Variants in AP2M1 observed in about 807,000 individuals in gnomAD.
AP2M1 encodes the protein adaptor related protein complex 2 subunit mu 1, also known as AP-2 complex subunit mu.
A neutral mutation model predicts 54.5 loss-of-function variants in AP2M1; 5 were observed. The ratio of observed to expected loss-of-function variants is 0.09; its 90% CI spans 0.05 to 0.19. The LOEUF (loss-of-function observed/expected upper bound fraction) is 0.19, where lower values mean the gene tolerates loss of function less well. Among genes scored for constraint, AP2M1 ranks in the 10% least tolerant of loss-of-function variants. The pLI, the probability that AP2M1 is intolerant of heterozygous loss-of-function variation, is 1.00. For missense variants in AP2M1, 178 were observed against 580.2 expected (o/e 0.31, Z 7.12); for synonymous variants, 186 against 208.2 (o/e 0.89, Z 0.92).
Position 184,179,030 on chromosome 3 carries a change from A to G in AP2M1, c.248A>G (p.Tyr83Cys). The G allele has an allele frequency of 6.2e-7, 1 of 1,614,170 alleles. No individual in the cohort carries two copies. Among genetic ancestry groups the G allele is most frequent in the Non-Finnish European group, 8.5e-7 (1 of 1,180,040 alleles). Residue 83 changes from tyrosine to cysteine, a missense_variant, in exon 3 of 12, where the codon TAT becomes TGT. By Grantham distance (194) the Tyr-to-Cys change is radical. Coordinates refer to ENST00000292807, the MANE Select transcript of AP2M1 (RefSeq NM_004068.4). ...GCTGCCATGGTCTTCGAATTCCTCT[A>G]TAAGATGTGTGACGTGATGGCTGCC... ...VNAAMVFEFL[Y>C]KMCDVMAAYF...
At chr3:184,175,679 G>A (rs548848462) in intron 1 of AP2M1, among the ~76,000 whole-genome samples, 1 of 152,138 alleles carries the variant, frequency 6.6e-6, no homozygotes, top group Non-Finnish European at 1.5e-5. Context: ...ACGCTGCCTG[G>A]CTTTCACTGA....
chr3:184,180,622 C>T lies in AP2M1; in HGVS notation c.424-23C>T, dbSNP rs2109030802. 6.2e-7 allele frequency: 1 copy of T among 1,613,836 alleles called. No homozygotes were observed. Among genetic ancestry groups the T allele is most frequent in the South Asian group, 1.1e-5 (1 of 91,072 alleles). On this transcript the variant is annotated intron_variant, in intron 4 of 11. Transcript: ENST00000292807. This position sits in a 1 kb window ranked among gnomAD's most constrained non-coding sequence, Gnocchi z 4.9. ...CTCCCTTGCTGCTTCATGTGGGCAC[C>T]TCGTTGGCCCTGCGGCCTCCAGCAT...
chr3:184,180,316 T>G lies in AP2M1; in HGVS notation c.423+65T>G, dbSNP rs1715229091. ...ATCTCCCTTCATCTCAGCTGGCCCC[T>G]GAGCCTTGTCTGAGCTGACTCATGA... On this transcript the variant is annotated intron_variant, in intron 4 of 11. Coordinates refer to ENST00000292807, the MANE Select transcript of AP2M1 (RefSeq NM_004068.4). The surrounding 1 kb of genome is among the most constrained non-coding windows in gnomAD (Gnocchi z 4.9). The G allele has an allele frequency of 3.2e-6, 5 of 1,567,300 alleles. No homozygotes were observed. Among genetic ancestry groups the G allele is most frequent in the Admixed American group, 3.5e-5 (2 of 57,524 alleles).
Position 184,178,849 on chromosome 3 carries a change from T to C in AP2M1, c.75-8T>C, listed in dbSNP as rs1225596675. On this transcript the variant is annotated splice_polypyrimidine_tract_variant and splice_region_variant and intron_variant, in intron 2 of 11. Coordinates refer to ENST00000292807, the MANE Select transcript of AP2M1 (RefSeq NM_004068.4). The surrounding 1 kb of genome is among the most constrained non-coding windows in gnomAD (Gnocchi z 4.9). ...GCTGAGCAGGCCCTATGCACTCTTT[T>C]CCCTCAGGAGGAACGCAGTGGATGC... 9.9e-6 allele frequency: 16 copies of C among 1,613,122 alleles called. No individual in the cohort carries two copies. Among genetic ancestry groups the C allele is most frequent in the Non-Finnish European group, 1.2e-5 (14 of 1,179,612 alleles).
rs1235619407 is a variant in AP2M1 at position 184,182,444 on chromosome 3, A to ATT, written c.1061+201_1061+202dup. 1.6e-6 allele frequency: 1 copy of ATT among 613,722 alleles called. No individual in the cohort carries two copies. Among genetic ancestry groups the ATT allele is most frequent in the Non-Finnish European group, 2.8e-6 (1 of 352,194 alleles). The allele number at this position is 613,722 out of a possible 1,614,324, so 38.0% of individuals were successfully genotyped here. Reference sequence around the variant, plus strand: ...TGCATTTGGGTTCATGCACGTGCTTATTTTTTAAGATGCTTTGGCATTTCC... The same window carrying ATT: ...TGCATTTGGGTTCATGCACGTGCTTATTTTTTTTAAGATGCTTTGGCATTTCC... On this transcript the variant is annotated intron_variant, in intron 10 of 11. Transcript: ENST00000292807. The surrounding 1 kb of genome is among the most constrained non-coding windows in gnomAD (Gnocchi z 5.5).
intron 1 of AP2M1, chr3:184,175,163 C>T: frequency 2.5e-6 from 1 of 394,380 alleles, no homozygotes; most frequent in Non-Finnish European, 4.5e-6. Flanking sequence ...GAGCGGTGCC[C>T]TCCACCTGAC....
chr3:184,182,865 T>C lies in AP2M1; in HGVS notation c.1170T>C (p.Phe390=). The part of the protein sequence containing the change: ...KWARPPISMN[F]EVPFAPSGLK... ...CTCGACCCCCCATTTCCATGAACTTTGAGGTATGGCAGAGGAGGGGCCTAG... is the reference window on the plus strand; with the variant it reads ...CTCGACCCCCCATTTCCATGAACTTCGAGGTATGGCAGAGGAGGGGCCTAG... The change falls in exon 11 of 12, where the codon TTT becomes TTC. Residue 390 remains phenylalanine (F), a synonymous_variant. Coordinates refer to ENST00000292807, the MANE Select transcript of AP2M1 (RefSeq NM_004068.4). The surrounding 1 kb of genome is among the most constrained non-coding windows in gnomAD (Gnocchi z 5.5). 6.2e-7 allele frequency: 1 copy of C among 1,613,788 alleles called. No homozygotes were observed. Among genetic ancestry groups the C allele is most frequent in the South Asian group, 1.1e-5 (1 of 91,024 alleles).
At chr3:184,175,555 T>C (rs1170895693) in intron 1 of AP2M1, among the ~76,000 whole-genome samples, 1 of 152,160 alleles carries the variant, frequency 6.6e-6, no homozygotes, top group Non-Finnish European at 1.5e-5. Flanking sequence ...TTCACCACTG[T>C]CAGTTCCCCC....
At chr3:184,177,874 G>A (rs1715127846) in intron 2 of AP2M1, 2 of 595,944 alleles carry the variant, frequency 3.4e-6, no homozygotes, top group African/African-American at 1.9e-5. Flanking sequence ...TGGGCCTGTG[G>A]CAGTGCTCTT....
At position 184,180,994 on chromosome 3, in the gene AP2M1, C is replaced by G; in HGVS notation, c.565+10C>G. The G allele has an allele frequency of 1.2e-6, 2 of 1,614,100 alleles. No individual in the cohort carries two copies. The highest frequency in any genetic ancestry group is 1.7e-6 in the Non-Finnish European group (2 of 1,180,016). On this transcript the variant is annotated intron_variant, in intron 6 of 11. Coordinates refer to ENST00000292807, the MANE Select transcript of AP2M1 (RefSeq NM_004068.4). The surrounding 1 kb of genome is among the most constrained non-coding windows in gnomAD (Gnocchi z 4.9). ...CTCATGTCCCCACAAGGTGAGGTCCCTCTCACGACAAAGTTGGAGGGGGCC... is the reference window on the plus strand; with the variant it reads ...CTCATGTCCCCACAAGGTGAGGTCCGTCTCACGACAAAGTTGGAGGGGGCC...
chr3:184,179,516 C>T (rs1715199309), intron 3 of AP2M1, among the ~76,000 whole-genome samples: 1 of 152,120 alleles, frequency 6.6e-6, no homozygotes, highest in African/African-American at 2.4e-5. Flanking sequence ...TCTTGGGGTG[C>T]ACTGTTATCT....
chr3:184,175,397 G>T (rs952511067), intron 1 of AP2M1, among the ~76,000 whole-genome samples: 3 of 152,072 alleles, frequency 2.0e-5, no homozygotes, highest in Non-Finnish European at 4.4e-5. Flanking sequence ...GCACCCCGCG[G>T]CTCTTCTTCC....
chr3:184,182,343 G>A lies in AP2M1; in HGVS notation c.1061+95G>A. The A allele has an allele frequency of 2.2e-6, 3 of 1,364,754 alleles. No individual in the cohort carries two copies. The highest frequency in any genetic ancestry group is 3.0e-6 in the Non-Finnish European group (3 of 1,002,764). 84.5% of individuals were successfully genotyped at this position (1,364,754 alleles called of 1,614,324 possible). On this transcript the variant is annotated intron_variant, in intron 10 of 11. Coordinates refer to ENST00000292807, the MANE Select transcript of AP2M1 (RefSeq NM_004068.4). The surrounding 1 kb of genome is among the most constrained non-coding windows in gnomAD (Gnocchi z 5.5). ...ATCCTTCTGAATGAGGGGCAGGGGA[G>A]TGTGCCTGTTTGCTTTTCTAGGAGC...
At position 184,182,739 on chromosome 3, in the gene AP2M1, T is replaced by G; in HGVS notation, c.1062-18T>G. The G allele has an allele frequency of 6.2e-7, 1 of 1,610,574 alleles. No homozygotes were observed. Among genetic ancestry groups the G allele is most frequent in the Non-Finnish European group, 8.5e-7 (1 of 1,177,106 alleles). ...CCTCCAAGCCCCAATGGGCTGCCCATTGTCCCTGTGTTCCCAGGATCAAGC... is the reference window on the plus strand; with the variant it reads ...CCTCCAAGCCCCAATGGGCTGCCCAGTGTCCCTGTGTTCCCAGGATCAAGC... On this transcript the variant is annotated intron_variant, in intron 10 of 11. Coordinates refer to ENST00000292807, the MANE Select transcript of AP2M1 (RefSeq NM_004068.4). The surrounding 1 kb of genome is among the most constrained non-coding windows in gnomAD (Gnocchi z 5.5).
At position 184,182,728 on chromosome 3, in the gene AP2M1, TGG is replaced by T. The variant is rs746814413; in HGVS notation, c.1062-27_1062-26del. On this transcript the variant is annotated intron_variant, in intron 10 of 11. Coordinates refer to ENST00000292807, the MANE Select transcript of AP2M1 (RefSeq NM_004068.4). The surrounding 1 kb of genome is among the most constrained non-coding windows in gnomAD (Gnocchi z 5.5). Reference sequence around the variant, plus strand: ...CCCTTGAAACTCCTCCAAGCCCCAATGGGCTGCCCATTGTCCCTGTGTTCCCA... The same window carrying T: ...CCCTTGAAACTCCTCCAAGCCCCAATGCTGCCCATTGTCCCTGTGTTCCCA... 9 of 1,602,442 alleles carry T rather than the reference TGG, an allele frequency of 5.6e-6. No individual in the cohort carries two copies. The African/African-American group carries it at 1.1e-4, about 19-fold the overall frequency.
chr3:184,181,496 TC>T lies in AP2M1; in HGVS notation c.708-197del, dbSNP rs1715272546. The stretch of plus-strand genomic sequence containing the variant: ...GCCCAGTGTGCCTGAAACACCCAGG[TC>T]CCTAGCAGAAGGAGCCCCAAGAGAT... On this transcript the variant is annotated intron_variant, in intron 7 of 11. Coordinates refer to ENST00000292807, the MANE Select transcript of AP2M1 (RefSeq NM_004068.4). This position sits in a 1 kb window ranked among gnomAD's most constrained non-coding sequence, Gnocchi z 5.7. 1 of 848,210 alleles carries T rather than the reference TC, an allele frequency of 1.2e-6. No individual in the cohort carries two copies. The highest frequency in any genetic ancestry group is 2.8e-5 in the Admixed American group (1 of 36,034). The allele number at this position is 848,210 out of a possible 1,614,324, so 52.5% of individuals were successfully genotyped here.
intron 1 of AP2M1, among the ~76,000 whole-genome samples, chr3:184,176,559 C>T (rs1049580311): frequency 1.3e-5 from 2 of 152,064 alleles, no homozygotes; most frequent in African/African-American, 4.8e-5. Flanking sequence ...TAATGCCTAC[C>T]GCCATTCCTG....
chr3:184,177,494 G>A, intron 2 of AP2M1: 1 of 1,503,522 alleles, frequency 6.7e-7, no homozygotes, highest in Non-Finnish European at 8.9e-7. Flanking sequence ...ACTGGATTCT[G>A]TTGAAAGCCC....
chr3:184,183,118 AT>A lies in AP2M1; in HGVS notation c.1173+251del. On this transcript the variant is annotated intron_variant, in intron 11 of 11. Coordinates refer to ENST00000292807, the MANE Select transcript of AP2M1 (RefSeq NM_004068.4). This position sits in a 1 kb window ranked among gnomAD's most constrained non-coding sequence, Gnocchi z 5.7. The stretch of plus-strand genomic sequence containing the variant: ...CTTTCAAAAAACTTAGATTGTTTAA[AT>A]GCCAGGTAAGACACAAAGTTTACTT... 1.8e-6 allele frequency: 1 copy of A among 569,766 alleles called. No homozygotes were observed. 35.3% of individuals were successfully genotyped at this position (569,766 alleles called of 1,614,324 possible). A position where few individuals can be genotyped will look rare whatever the true frequency, so the allele number is the denominator to read the frequency against.
Sources: gnomAD v4.1 joint callset for allele counts (sites outside exome capture counted in the v4.1 genomes callset) on GRCh38, gnomAD v4.1.1 for gene constraint, Gnocchi (gnomAD v3.1) non-coding constraint, MANE v1.5 for transcripts, NCBI Gene and HGNC (gene_info 2026-07-23, HGNC 2026-07-21) for gene names.